The following RERE variants were observed in gnomAD, a reference collection of about 807,000 sequenced individuals.
The protein encoded by RERE is arginine-glutamic acid dipeptide repeats.
A neutral mutation model predicts 146.1 loss-of-function variants in RERE; 40 were observed. The observed-to-expected ratio is 0.27, with a 90% confidence interval of 0.21 to 0.36. The LOEUF is 0.36. Ranked by LOEUF, RERE falls within the 10% of genes least tolerant of loss-of-function variation. The pLI, the probability that RERE is intolerant of heterozygous loss-of-function variation, is 1.00. For missense variants in RERE, 1,933 were observed against 2,138.7 expected (o/e 0.90, Z 1.90); for synonymous variants, 1,003 against 866.0 (o/e 1.16, Z -2.78).
At chr1:8,802,221 C>G (rs1313669034) in intron 1 of RERE, among the ~76,000 whole-genome samples, 1 of 152,202 alleles carries the variant, frequency 6.6e-6, no homozygotes, top group African/African-American at 2.4e-5. Flanking sequence ...CCAAACCAGT[C>G]TGTTCCTTCT....
At chr1:8,786,166 T>C in intron 1 of RERE, 2 of 593,102 alleles carry the variant, frequency 3.4e-6, no homozygotes, top group Non-Finnish European at 6.0e-6. Flanking sequence ...TTTAAACTGA[T>C]CAGACTAGAA....
At chr1:8,441,015 TG>T (rs1236188339) in intron 11 of RERE, among the ~76,000 whole-genome samples, 1 of 47,928 alleles carries the variant, frequency 2.1e-5, no homozygotes, top group South Asian at 8.7e-4. Flanking sequence ...TTCGGGGGGG[TG>T]GGGGGGCTGT....
intron 1 of RERE, among the ~76,000 whole-genome samples, chr1:8,771,625 G>T (rs940292619): frequency 6.6e-6 from 1 of 150,476 alleles, no homozygotes; most frequent in Non-Finnish European, 1.5e-5. Context: ...TCAGAAAAAA[G>T]ATGGGCCGGG....
chr1:8,421,393 G>A (rs947125877), intron 12 of RERE, among the ~76,000 whole-genome samples: 1 of 152,136 alleles, frequency 6.6e-6, no homozygotes, highest in African/African-American at 2.4e-5. Flanking sequence ...TCTGGGAAGG[G>A]TAAGAAATAA....
intron 4 of RERE, among the ~76,000 whole-genome samples, chr1:8,605,424 G>A (rs369472440): frequency 1.1e-4 from 17 of 152,050 alleles, no homozygotes; most frequent in East Asian, 3.9e-4. Context: ...GAGCCACTGA[G>A]CCTGGCCTTC....
intron 1 of RERE, among the ~76,000 whole-genome samples, chr1:8,691,604 T>G (rs1265539407): frequency 6.6e-6 from 1 of 152,220 alleles, no homozygotes; most frequent in East Asian, 1.9e-4. Context: ...CTGCAATTTA[T>G]GTACTCAAAC....
chr1:8,635,933 AATT>A (rs1365293338), intron 2 of RERE, among the ~76,000 whole-genome samples: 2,280 of 150,206 alleles, frequency 0.015, 60 homozygotes, highest in African/African-American at 0.054. Flanking sequence ...GTATGTCTTC[AATT>A]ATTATTTTAT....
intron 3 of RERE, among the ~76,000 whole-genome samples, chr1:8,616,810 C>T (rs1299419335): frequency 6.6e-6 from 1 of 152,176 alleles, no homozygotes; most frequent in East Asian, 1.9e-4. Context: ...CGAGTGAAGA[C>T]AAATTGCTGG....
At chr1:8,691,880 C>T (rs945283515) in intron 1 of RERE, among the ~76,000 whole-genome samples, 1 of 152,166 alleles carries the variant, frequency 6.6e-6, no homozygotes, top group African/African-American at 2.4e-5. Flanking sequence ...TAGTTCTAAC[C>T]TCCTCTAAGA....
chr1:8,503,127 T>A (rs1011923276), intron 8 of RERE, among the ~76,000 whole-genome samples: 16 of 143,780 alleles, frequency 1.1e-4, no homozygotes, highest in East Asian at 6.0e-4. Context: ...AATAAATAAA[T>A]AAAAAAGAAT....
rs1392809990 is a variant in RERE at position 8,533,941 on chromosome 1, G to C, written c.830+7273C>G. On this transcript the variant is annotated intron_variant, in intron 7 of 22. Coordinates refer to ENST00000400908, the MANE Select transcript of RERE (RefSeq NM_001042681.2). ...TATTAAAGTTATCTTAACTTCAGTAGGCTTTGTTTTCCAAAAATACATGTA... is the reference window on the plus strand; with the variant it reads ...TATTAAAGTTATCTTAACTTCAGTACGCTTTGTTTTCCAAAAATACATGTA... 3.9e-5 allele frequency among the ~76,000 whole-genome samples: 6 copies of C among 152,190 alleles called. No individual in the cohort carries two copies. The East Asian group carries it at 1.2e-3, about 29-fold the overall frequency.
intron 12 of RERE, among the ~76,000 whole-genome samples, chr1:8,406,446 G>T (rs1643440114): frequency 6.6e-6 from 1 of 151,996 alleles, no homozygotes; most frequent in African/African-American, 2.4e-5. Flanking sequence ...GGAATAAAGG[G>T]GCAACAGGTC....
At chr1:8,406,947 C>A (rs1243893294) in intron 12 of RERE, among the ~76,000 whole-genome samples, 5 of 152,156 alleles carry the variant, frequency 3.3e-5, no homozygotes, top group Non-Finnish European at 5.9e-5. Flanking sequence ...ATCATCTCCA[C>A]AACAAAACAC....
intron 1 of RERE, among the ~76,000 whole-genome samples, chr1:8,744,411 T>C (rs901283357): frequency 6.6e-6 from 1 of 152,250 alleles, no homozygotes; most frequent in Non-Finnish European, 1.5e-5. Context: ...GTTTCACCTT[T>C]GTTTTTCCAC....
chr1:8,557,617 G>T, intron 4 of RERE, 94 bp from the exon 5 acceptor site: 1 of 769,606 alleles, frequency 1.3e-6, no homozygotes, highest in Non-Finnish European at 2.3e-6. Flanking sequence ...TAAACGGGTG[G>T]ACACGTAGAT....
At chr1:8,806,987 C>A (rs1180509462) in intron 1 of RERE, 1 of 152,218 alleles carries the variant, frequency 6.6e-6, no homozygotes, top group Non-Finnish European at 1.5e-5. Context: ...CAGTTTTCCA[C>A]ATGGCAAATC....
At chr1:8,439,439 T>G (rs1644216553) in intron 11 of RERE, among the ~76,000 whole-genome samples, 1 of 152,154 alleles carries the variant, frequency 6.6e-6, no homozygotes, top group African/African-American at 2.4e-5. Context: ...TGTGGAGGAA[T>G]CAACTGCCTA....
intron 4 of RERE, among the ~76,000 whole-genome samples, chr1:8,609,694 G>T (rs137900124): frequency 6.6e-6 from 1 of 152,114 alleles, no homozygotes; most frequent in African/African-American, 2.4e-5. Context: ...GGTAACAAAC[G>T]TAATACAATC....
At chr1:8,551,467 TG>T (rs1326531491) in intron 6 of RERE, among the ~76,000 whole-genome samples, 2 of 152,234 alleles carry the variant, frequency 1.3e-5, no homozygotes, top group African/African-American at 4.8e-5. Flanking sequence ...TCCATATACC[TG>T]AAGGAATCTA....
Sources: allele counts gnomAD v4.1 joint callset (sites outside exome capture counted in the v4.1 genomes callset), GRCh38; gene constraint gnomAD v4.1.1; transcripts MANE v1.5; gene names NCBI Gene and HGNC (gene_info 2026-07-23, HGNC 2026-07-21).